The following COBL variants were observed in gnomAD, a reference collection of about 807,000 sequenced individuals.
COBL encodes the protein protein cordon-bleu.
COBL carries 51 observed loss-of-function variants against 98.8 expected under a neutral mutation model. That is an observed-to-expected ratio of 0.52 (90% CI 0.41 to 0.65). The LOEUF is 0.65. Ranked by LOEUF, COBL falls within the 30% of genes least tolerant of loss-of-function variation. The pLI is 0.00. For missense variants in COBL, 1,617 were observed against 1,617.5 expected (o/e 1.00, Z 0.01); for synonymous variants, 634 against 651.7 (o/e 0.97, Z 0.41).
At chr7:51,201,397 A>G (rs1468413119) in intron 2 of COBL, among the ~76,000 whole-genome samples, 1 of 152,188 alleles carries the variant, frequency 6.6e-6, no homozygotes, top group Non-Finnish European at 1.5e-5. Context: ...GAAAGACCCA[A>G]TAGTTATAAA....
intron 12 of COBL, among the ~76,000 whole-genome samples, chr7:51,024,237 A>T (rs1276253995): frequency 1.3e-5 from 2 of 152,136 alleles, no homozygotes; most frequent in Admixed American, 1.3e-4. Context: ...TGAACCCGGG[A>T]GGCGGAGCTT....
intron 1 of COBL, among the ~76,000 whole-genome samples, chr7:51,248,373 G>A (rs73697840): frequency 0.018 from 2,776 of 152,134 alleles, 42 homozygotes; most frequent in Middle Eastern, 0.054. Context: ...AAAATGTCCC[G>A]ACCATGGGCT....
At chr7:51,198,418 T>C (rs1790795105) in intron 2 of COBL, among the ~76,000 whole-genome samples, 1 of 152,194 alleles carries the variant, frequency 6.6e-6, no homozygotes, top group African/African-American at 2.4e-5. Flanking sequence ...ACCTGATTTT[T>C]CTCTCTAGCT....
At chr7:51,274,907 A>C (rs1468700339) in intron 1 of COBL, among the ~76,000 whole-genome samples, 2 of 152,244 alleles carry the variant, frequency 1.3e-5, no homozygotes. Context: ...CTCTGATAGC[A>C]ATCATTTGAT....
At chr7:51,108,921 C>CACACACAT (rs1177169444) in intron 6 of COBL, among the ~76,000 whole-genome samples, 1 of 81,904 alleles carries the variant, frequency 1.2e-5, no homozygotes, top group African/African-American at 4.9e-5. Flanking sequence ...CACATAGACA[C>CACACACAT]ACACACACAC....
intron 1 of COBL, among the ~76,000 whole-genome samples, chr7:51,229,895 AG>A (rs1326458113): frequency 6.6e-6 from 1 of 152,184 alleles, no homozygotes; most frequent in African/African-American, 2.4e-5. Flanking sequence ...CTCCTGTCCA[AG>A]CAAGGGCCCG....
chr7:51,266,406 C>G (rs186226404), intron 1 of COBL, among the ~76,000 whole-genome samples: 1 of 152,108 alleles, frequency 6.6e-6, no homozygotes, highest in Non-Finnish European at 1.5e-5. Flanking sequence ...TGGAGAAACC[C>G]CATCTCTACT....
intron 1 of COBL, among the ~76,000 whole-genome samples, chr7:51,281,701 A>G (rs1447929039): frequency 1.3e-5 from 2 of 152,156 alleles, no homozygotes; most frequent in Non-Finnish European, 2.9e-5. Flanking sequence ...ATATCCTTCA[A>G]GTATGACAGT....
intron 1 of COBL, among the ~76,000 whole-genome samples, chr7:51,286,331 G>GA (rs35968199): frequency 0.097 from 11,552 of 118,846 alleles, 646 homozygotes; most frequent in East Asian, 0.34. Flanking sequence ...GATACTGACT[G>GA]AAAAAAAAAA....
At chr7:51,082,704 G>A (rs755320375) in intron 7 of COBL, among the ~76,000 whole-genome samples, 2 of 152,176 alleles carry the variant, frequency 1.3e-5, no homozygotes, top group Non-Finnish European at 2.9e-5. Context: ...GCCTGAGTTA[G>A]CCCACCATCC....
chr7:51,199,750 A>C (rs1484988659), intron 2 of COBL, among the ~76,000 whole-genome samples: 1 of 151,996 alleles, frequency 6.6e-6, no homozygotes, highest in African/African-American at 2.4e-5. Flanking sequence ...GTAAATCTGA[A>C]GCCTGGTCAT....
chr7:51,105,205 A>G (rs1036999411), intron 6 of COBL, among the ~76,000 whole-genome samples: 1 of 151,886 alleles, frequency 6.6e-6, no homozygotes, highest in Admixed American at 6.6e-5. Context: ...ACCGCCATTA[A>G]AAGTCTCGCT....
chr7:51,106,307 A>G (rs1243275759), intron 6 of COBL, among the ~76,000 whole-genome samples: 1 of 152,088 alleles, frequency 6.6e-6, no homozygotes, highest in Admixed American at 6.5e-5. Context: ...TTCAAAAGTG[A>G]ATCTTCCTGT....
chr7:51,085,333 T>G (rs749574152), intron 6 of COBL, 29 bp from the exon 7 acceptor site: 15 of 502,116 alleles, frequency 3.0e-5, no homozygotes, highest in South Asian at 4.1e-5. Flanking sequence ...GAAAGTACAA[T>G]CAAAGTACTT....
chr7:51,144,636 T>C (rs559511966), intron 5 of COBL, among the ~76,000 whole-genome samples: 64 of 152,348 alleles, frequency 4.2e-4, no homozygotes, highest in African/African-American at 1.5e-3. Context: ...CACCACTATC[T>C]AGTTTCAGAA....
At chr7:51,292,510 C>T (rs1297679137) in intron 1 of COBL, among the ~76,000 whole-genome samples, 5 of 152,242 alleles carry the variant, frequency 3.3e-5, no homozygotes, top group African/African-American at 1.2e-4. Flanking sequence ...TAAATGGCCC[C>T]TTTATTTCCT....
intron 1 of COBL, among the ~76,000 whole-genome samples, chr7:51,235,811 ACT>A (rs1200519450): frequency 1.3e-5 from 2 of 151,764 alleles, no homozygotes; most frequent in African/African-American, 4.8e-5. Flanking sequence ...GGAGGCCCTG[ACT>A]CTCTAGCCTC....
chr7:51,059,854 T>A (rs1273926022), intron 7 of COBL, among the ~76,000 whole-genome samples: 1 of 152,184 alleles, frequency 6.6e-6, no homozygotes, highest in African/African-American at 2.4e-5. Flanking sequence ...TTTTTCTACT[T>A]CTTAGCATTA....
chr7:51,312,117 T>C (rs1434896419), intron 1 of COBL, among the ~76,000 whole-genome samples: 1 of 149,298 alleles, frequency 6.7e-6, no homozygotes, highest in Non-Finnish European at 1.5e-5. Flanking sequence ...AGGTTAGGAG[T>C]TCAAGACCAG....
Sources: gnomAD v4.1 joint callset for allele counts (sites outside exome capture counted in the v4.1 genomes callset) on GRCh38, gnomAD v4.1.1 for gene constraint, MANE v1.5 for transcripts, NCBI Gene and HGNC (gene_info 2026-07-23, HGNC 2026-07-21) for gene names.